The following C10orf67 variants were observed in gnomAD, a reference collection of about 807,000 sequenced individuals.
The protein encoded by C10orf67 is chromosome 10 open reading frame 67, also known as uncharacterized protein C10orf67, mitochondrial.
C10orf67 carries 60 observed loss-of-function variants against 35.6 expected under a neutral mutation model. The ratio of observed to expected loss-of-function variants is 1.68; its 90% CI spans 1.37 to 2.09. The LOEUF is 2.09. Ranked by LOEUF, C10orf67 falls within the 30% of genes most tolerant of loss-of-function variation. The probability of loss-of-function intolerance (pLI) is 0.00; values close to 1 mark genes in which losing one functional copy is unlikely to be tolerated. For missense variants in C10orf67, 474 were observed against 330.2 expected (o/e 1.44, Z -3.38); for synonymous variants, 167 against 115.8 (o/e 1.44, Z -2.84).
At chr10:23,294,237 G>C (rs1843811373) in intron 5 of C10orf67, among the ~76,000 whole-genome samples, 1 of 152,124 alleles carries the variant, frequency 6.6e-6, no homozygotes, top group Non-Finnish European at 1.5e-5. Flanking sequence ...AGAGCTGTCA[G>C]CAACAAGCAG....
At chr10:23,246,111 A>C (rs1222445015) in intron 12 of C10orf67, among the ~76,000 whole-genome samples, 1 of 152,244 alleles carries the variant, frequency 6.6e-6, no homozygotes, top group Admixed American at 6.5e-5. Flanking sequence ...AGAAAACCAA[A>C]TACCACATGT....
At chr10:23,219,405 T>C (rs988314254) in intron 15 of C10orf67, among the ~76,000 whole-genome samples, 1 of 152,224 alleles carries the variant, frequency 6.6e-6, no homozygotes, top group African/African-American at 2.4e-5. Flanking sequence ...ACCTAATTAC[T>C]GGACTGTGAG....
chr10:23,332,033 A>G (rs987064059), intron 2 of C10orf67, among the ~76,000 whole-genome samples: 2 of 152,202 alleles, frequency 1.3e-5, no homozygotes, highest in African/African-American at 4.8e-5. Flanking sequence ...CTTCAAAATG[A>G]CTAATGCATA....
In C10orf67 at chr10:23,223,590, A is replaced by T; in HGVS notation, c.1570+8T>A. ...GTGAACCTCATTTCCAACAATAATG[A>T]TTCTTACCTTTTGGTGAAAGTTGAA... On this transcript the variant is annotated splice_region_variant and intron_variant, in intron 15 of 15. Transcript: ENST00000636213. 1.4e-6 allele frequency: 1 copy of T among 717,356 alleles called. No homozygotes were observed. Among genetic ancestry groups the T allele is most frequent in the Non-Finnish European group, 2.6e-6 (1 of 384,906 alleles). The allele number at this position is 717,356 out of a possible 1,614,324, so 44.4% of individuals were successfully genotyped here.
At chr10:23,274,418 C>T (rs11013361) in intron 8 of C10orf67, among the ~76,000 whole-genome samples, 13 of 152,184 alleles carry the variant, frequency 8.5e-5, no homozygotes, top group East Asian at 3.9e-4. Flanking sequence ...ACTCCCAGAG[C>T]GGCCGTCTAT....
intron 5 of C10orf67, among the ~76,000 whole-genome samples, chr10:23,297,482 C>T (rs567117168): frequency 2.4e-4 from 36 of 152,196 alleles, no homozygotes; most frequent in Non-Finnish European, 1.6e-4. Flanking sequence ...TTCTAGTGCC[C>T]GAGTGAGGGC....
At chr10:23,256,355 C>T (rs547154794) in intron 10 of C10orf67, among the ~76,000 whole-genome samples, 9 of 151,910 alleles carry the variant, frequency 5.9e-5, no homozygotes, top group Non-Finnish European at 1.2e-4. Flanking sequence ...GCTTAGGAAG[C>T]AAAAAATGCC....
chr10:23,264,248 C>A (rs1842828834), intron 10 of C10orf67, among the ~76,000 whole-genome samples: 1 of 152,184 alleles, frequency 6.6e-6, no homozygotes, highest in Non-Finnish European at 1.5e-5. Context: ...TAGAAGGGAG[C>A]GCTTAGAACA....
intron 15 of C10orf67, among the ~76,000 whole-genome samples, chr10:23,216,411 G>A (rs571471403): frequency 2.0e-4 from 30 of 152,080 alleles, no homozygotes; most frequent in Non-Finnish European, 3.5e-4. Context: ...ACTGATATGT[G>A]TGTAAAGTAG....
At chr10:23,208,378 T>G (rs1841214190) in intron 15 of C10orf67, among the ~76,000 whole-genome samples, 2 of 152,224 alleles carry the variant, frequency 1.3e-5, no homozygotes, top group Non-Finnish European at 2.9e-5. Flanking sequence ...TTTCTGTATC[T>G]TGGTTTCTGA....
chr10:23,273,013 C>A (rs1054185282), intron 8 of C10orf67, among the ~76,000 whole-genome samples: 1 of 152,104 alleles, frequency 6.6e-6, no homozygotes, highest in Non-Finnish European at 1.5e-5. Flanking sequence ...TATAGAAGTA[C>A]AAGATTTTTG....
At chr10:23,279,613 A>C (rs1843306290) in intron 8 of C10orf67, among the ~76,000 whole-genome samples, 2 of 152,318 alleles carry the variant, frequency 1.3e-5, no homozygotes, top group Admixed American at 1.3e-4. Context: ...AAATGAAGTA[A>C]GAGAAAGAGT....
chr10:23,260,963 T>A (rs984448221), intron 10 of C10orf67, among the ~76,000 whole-genome samples: 1 of 152,212 alleles, frequency 6.6e-6, no homozygotes, highest in Non-Finnish European at 1.5e-5. Flanking sequence ...TAAATTGTAA[T>A]TGAATTCGAC....
At chr10:23,271,886 T>A (rs899787706) in intron 8 of C10orf67, among the ~76,000 whole-genome samples, 55 of 152,134 alleles carry the variant, frequency 3.6e-4, no homozygotes, top group Non-Finnish European at 7.2e-4. Flanking sequence ...CATTAAAAAA[T>A]TTTTTTGAAG....
chr10:23,228,556 A>G (rs1000524953), intron 13 of C10orf67, among the ~76,000 whole-genome samples: 3 of 152,220 alleles, frequency 2.0e-5, no homozygotes, highest in Non-Finnish European at 4.4e-5. Context: ...AAAACACCAA[A>G]AGCAATGGCA....
chr10:23,313,960 C>T (rs1032210237), intron 4 of C10orf67, among the ~76,000 whole-genome samples: 1 of 151,440 alleles, frequency 6.6e-6, no homozygotes, highest in Non-Finnish European at 1.5e-5. Context: ...CAGCCACAGG[C>T]CAGGTGAGCA....
Position 23,236,253 on chromosome 10 carries a change from GAAA to G in C10orf67, c.1434+3473_1434+3475del, listed in dbSNP as rs368833212. Among the ~76,000 whole-genome samples the G allele has an allele frequency of 4.8e-3, 361 of 75,752 alleles. 5 individuals carry two copies. Among genetic ancestry groups the G allele is most frequent in the East Asian group, 0.031 (105 of 3,424 alleles). The allele number at this position is 75,752 out of a possible 152,430, so 49.7% of individuals were successfully genotyped here. ...GACAGAGCGAGACTCCCTCTCGGGG[GAAA>G]AAAAAAAAAAAAAAAAAAAAAAAAA... On this transcript the variant is annotated intron_variant, in intron 13 of 15. Coordinates refer to ENST00000636213, the MANE Select transcript of C10orf67 (RefSeq NM_001371909.1).
At chr10:23,321,289 A>T (rs1454229536) in intron 3 of C10orf67, among the ~76,000 whole-genome samples, 10 of 152,276 alleles carry the variant, frequency 6.6e-5, no homozygotes, top group Non-Finnish European at 1.0e-4. Context: ...GTGCATTAAA[A>T]ATAATACCCA....
chr10:23,208,973 A>G (rs1588571972), intron 15 of C10orf67, among the ~76,000 whole-genome samples: 1 of 152,070 alleles, frequency 6.6e-6, no homozygotes, highest in Non-Finnish European at 1.5e-5. Context: ...GCATAAGTCC[A>G]TCAATGACCA....
Sources: gnomAD v4.1 joint callset for allele counts (sites outside exome capture counted in the v4.1 genomes callset) on GRCh38, gnomAD v4.1.1 for gene constraint, MANE v1.5 for transcripts, NCBI Gene and HGNC (gene_info 2026-07-23, HGNC 2026-07-21) for gene names.